TUSC3: variants seen among roughly 807,000 people sequenced by gnomAD.
The protein encoded by TUSC3 is dolichyl-diphosphooligosaccharide--protein glycosyltransferase subunit TUSC3.
A neutral mutation model predicts 44.8 loss-of-function variants in TUSC3; 45 were observed. The ratio of observed to expected loss-of-function variants is 1.00; its 90% CI spans 0.79 to 1.29. TUSC3 has a LOEUF of 1.29. TUSC3 is among the 50% of genes most tolerant of loss of function. The pLI is 0.00. For synonymous variants in TUSC3, 212 were observed against 152.9 expected (o/e 1.39, Z -2.85); for missense variants, 519 against 437.9 (o/e 1.19, Z -1.65).
chr8:15,669,864 A>C (rs1807865120), intron 5 of TUSC3, among the ~76,000 whole-genome samples: 1 of 151,788 alleles, frequency 6.6e-6, no homozygotes, highest in African/African-American at 2.4e-5. Flanking sequence ...ACATCCCGGT[A>C]AAAATAAAAT....
In TUSC3 at chr8:15,765,950, G is replaced by T. The variant is rs1161327477; in HGVS notation, c.*1794G>T. The T allele has an allele frequency of 3.3e-5, 5 of 152,024 alleles. No individual in the cohort carries two copies. The highest frequency in any genetic ancestry group is 1.2e-4 in the African/African-American group (5 of 41,406). The allele number at this position is 152,024 out of a possible 1,614,324, so 9.4% of individuals were successfully genotyped here. ...CCTTAAATCTCAGAATTATCTTGCAGTTAATATGCAGCTGATTAAATGATA... is the reference window on the plus strand; with the variant it reads ...CCTTAAATCTCAGAATTATCTTGCATTTAATATGCAGCTGATTAAATGATA... On this transcript the variant is annotated 3_prime_UTR_variant, in exon 11 of 11. Coordinates refer to ENST00000503731, the MANE Select transcript of TUSC3 (RefSeq NM_006765.4).
At chr8:15,424,425 GA>G (rs1289438762) in intron 1 of TUSC3, among the ~76,000 whole-genome samples, 24 of 151,988 alleles carry the variant, frequency 1.6e-4, no homozygotes, top group African/African-American at 5.8e-4. Context: ...AGGGAGGGAG[GA>G]AAAAATAGGA....
chr8:15,476,936 C>T (rs1340856225), intron 1 of TUSC3, among the ~76,000 whole-genome samples: 2 of 152,166 alleles, frequency 1.3e-5, no homozygotes, highest in Non-Finnish European at 2.9e-5. Flanking sequence ...GGAAGGCAGC[C>T]AATCAGAGGC....
At chr8:15,491,301 G>A (rs935907691) in intron 2 of TUSC3, among the ~76,000 whole-genome samples, 4 of 152,084 alleles carry the variant, frequency 2.6e-5, no homozygotes, top group Admixed American at 6.5e-5. Context: ...AAAGATCTTG[G>A]GGCCCACAAG....
intron 6 of TUSC3, among the ~76,000 whole-genome samples, chr8:15,677,463 A>G (rs1808239478): frequency 6.6e-6 from 1 of 152,196 alleles, no homozygotes; most frequent in African/African-American, 2.4e-5. Flanking sequence ...ACAGAAAGAA[A>G]ACAGAGCAGG....
chr8:15,634,444 C>T (rs1464224479), intron 2 of TUSC3, among the ~76,000 whole-genome samples: 6 of 152,172 alleles, frequency 3.9e-5, no homozygotes, highest in Admixed American at 3.9e-4. Context: ...GAGCTATGGC[C>T]ACAGGAGTGG....
intron 6 of TUSC3, among the ~76,000 whole-genome samples, chr8:15,726,909 C>G (rs974747848): frequency 6.6e-6 from 1 of 152,114 alleles, no homozygotes; most frequent in Non-Finnish European, 1.5e-5. Context: ...AAGAATTGAT[C>G]GGTATCCATT....
At chr8:15,499,544 C>A (rs7013543) in intron 2 of TUSC3, among the ~76,000 whole-genome samples, 38,297 of 152,074 alleles carry the variant, frequency 0.25, 5,213 homozygotes, top group Non-Finnish European at 0.31. Context: ...GATAAATGGC[C>A]TCTCTTTTGT....
At chr8:15,600,999 A>G (rs1804265017) in intron 1 of TUSC3, among the ~76,000 whole-genome samples, 1 of 151,696 alleles carries the variant, frequency 6.6e-6, no homozygotes, top group Admixed American at 6.6e-5. Context: ...CAGAAGAAAT[A>G]CACAGGTTCA....
chr8:15,519,566 C>G (rs1801266697), intron 2 of TUSC3, among the ~76,000 whole-genome samples: 1 of 152,018 alleles, frequency 6.6e-6, no homozygotes, highest in Admixed American at 6.6e-5. Flanking sequence ...GAGCAAGAAT[C>G]CTATTGTGAA....
rs377122376 is a variant in TUSC3, at chr8:15,734,888, A to G, written c.862+4159A>G. ...CAAGGCTGGAATACAAATTTTGAGG[A>G]GATTGGTGAAAGTTAGGTTAGGCTG... On this transcript the variant is annotated intron_variant, in intron 7 of 10. Coordinates refer to ENST00000503731, the MANE Select transcript of TUSC3 (RefSeq NM_006765.4). Among the ~76,000 whole-genome samples, 22 of 152,312 alleles carry G rather than the reference A, an allele frequency of 1.4e-4. No homozygotes were observed. The East Asian group carries it at 1.5e-3, about 11-fold the overall frequency.
chr8:15,532,920 G>C (rs1393221247), intron 2 of TUSC3, among the ~76,000 whole-genome samples: 3 of 152,158 alleles, frequency 2.0e-5, no homozygotes, highest in Admixed American at 1.3e-4. Context: ...CACTTCTTGA[G>C]TAGCCGGGAT....
rs533587631 is a variant in TUSC3 at position 15,447,693 on chromosome 8, C to CTT, written n.91+30401_91+30402dup. On this transcript the variant is annotated intron_variant and non_coding_transcript_variant, in intron 1 of 5. Transcript: ENST00000503191. ...TTGAAAAGCATGAACATAATTATGT[C>CTT]TTTTTTTTTTTTTTACTTACTTTTA... Among the ~76,000 whole-genome samples, 322 of 140,888 alleles carry CTT rather than the reference C, an allele frequency of 2.3e-3. 3 individuals are homozygous for CTT. Among genetic ancestry groups the CTT allele is most frequent in the African/African-American group, 8.1e-3 (311 of 38,516 alleles). 92.4% of individuals were successfully genotyped at this position (140,888 alleles called of 152,430 possible).
chr8:15,435,370 C>T (rs1277933941), intron 1 of TUSC3, among the ~76,000 whole-genome samples: 2 of 152,140 alleles, frequency 1.3e-5, no homozygotes. Flanking sequence ...CTTCTCAAAA[C>T]TCATTCCTTA....
At chr8:15,713,943 C>T (rs1809961105) in intron 6 of TUSC3, among the ~76,000 whole-genome samples, 1 of 152,144 alleles carries the variant, frequency 6.6e-6, no homozygotes, top group African/African-American at 2.4e-5. Context: ...ACCGTGGCCT[C>T]ATTTGAAAAG....
chr8:15,788,495 C>T, the TUSC3 span, among the ~76,000 whole-genome samples: 2 of 146,022 alleles, frequency 1.4e-5, no homozygotes, highest in South Asian at 4.3e-4. Context: ...TGCAGTGAGC[C>T]GAGATTGTGC....
chr8:15,799,023 G>A, the TUSC3 span, among the ~76,000 whole-genome samples: 2 of 152,138 alleles, frequency 1.3e-5, no homozygotes, highest in African/African-American at 4.8e-5. Context: ...TCTCTTCTAT[G>A]GTTTCTCCAA....
chr8:15,473,488 C>T (rs1242069506), intron 1 of TUSC3, among the ~76,000 whole-genome samples: 3 of 152,210 alleles, frequency 2.0e-5, no homozygotes, highest in African/African-American at 4.8e-5. Flanking sequence ...TTTGCAGTTA[C>T]ATGTTCATAA....
chr8:15,735,094 G>A (rs1252059853), intron 7 of TUSC3, among the ~76,000 whole-genome samples: 4 of 152,140 alleles, frequency 2.6e-5, no homozygotes, highest in African/African-American at 4.8e-5. Flanking sequence ...AAATAGTAGC[G>A]TCATGCCTGT....
Sources: gnomAD v4.1 joint callset for allele counts (sites outside exome capture counted in the v4.1 genomes callset) on GRCh38, gnomAD v4.1.1 for gene constraint, MANE v1.5 for transcripts, NCBI Gene and HGNC (gene_info 2026-07-23, HGNC 2026-07-21) for gene names.